The following DPYD variants were observed in gnomAD, a reference collection of about 807,000 sequenced individuals.
DPYD encodes the protein dihydropyrimidine dehydrogenase, also known as dihydropyrimidine dehydrogenase [NADP(+)].
In DPYD, 109 loss-of-function variants were observed where a neutral mutation model predicts 116.2. That is an observed-to-expected ratio of 0.94 (90% CI 0.80 to 1.10). The LOEUF is 1.10. Ranked by LOEUF, DPYD falls within the 50% of genes least tolerant of loss-of-function variation. The probability of loss-of-function intolerance (pLI) is 0.00; values close to 1 mark genes in which losing one functional copy is unlikely to be tolerated. For synonymous variants in DPYD, 440 were observed against 432.0 expected (o/e 1.02, Z -0.23); for missense variants, 1,302 against 1,254.5 (o/e 1.04, Z -0.57).
At chr1:97,606,244 G>A (rs1207486279) in intron 8 of DPYD, among the ~76,000 whole-genome samples, 2 of 151,986 alleles carry the variant, frequency 1.3e-5, no homozygotes, top group Non-Finnish European at 2.9e-5. Flanking sequence ...ATTAGGTGAT[G>A]AAGATACATA....
chr1:97,200,945 A>T (rs1659160675), intron 19 of DPYD, among the ~76,000 whole-genome samples: 2 of 152,166 alleles, frequency 1.3e-5, no homozygotes, highest in African/African-American at 4.8e-5. Flanking sequence ...TCAGTAAGTG[A>T]GGAAATTGAA....
intron 6 of DPYD, among the ~76,000 whole-genome samples, chr1:97,694,934 G>T (rs1165039241): frequency 1.3e-5 from 2 of 152,124 alleles, no homozygotes; most frequent in African/African-American, 4.8e-5. Flanking sequence ...AGCTTTCAAT[G>T]ATCCCATTTT....
chr1:97,242,953 G>A (rs1570744628), intron 18 of DPYD, among the ~76,000 whole-genome samples: 1 of 151,640 alleles, frequency 6.6e-6, no homozygotes, highest in East Asian at 1.9e-4. Flanking sequence ...GAAAAAAAGG[G>A]CTTATCCTAT....
In DPYD at chr1:97,281,520, CTTAA is replaced by C. The variant is rs1317651044; in HGVS notation, c.2299+23735_2299+23738del. 2.6e-5 allele frequency among the ~76,000 whole-genome samples: 4 copies of C among 151,852 alleles called. No homozygotes were observed. In the East Asian group the frequency reaches 7.7e-4, roughly 29 times the overall value. Reference sequence around the variant, plus strand: ...GAAACTAGAATATTGGCTATAAATACTTAATTAAAAATTGTTTTCAATATAAAAT... The same window carrying C: ...GAAACTAGAATATTGGCTATAAATACTTAAAAATTGTTTTCAATATAAAAT... On this transcript the variant is annotated intron_variant, in intron 18 of 22. Transcript: ENST00000370192.
intron 2 of DPYD, among the ~76,000 whole-genome samples, chr1:97,866,222 G>A (rs759116142): frequency 2.6e-5 from 4 of 151,848 alleles, no homozygotes; most frequent in Admixed American, 6.6e-5. Context: ...GAAGACTTTC[G>A]GTTCAGTTGA....
intron 18 of DPYD, among the ~76,000 whole-genome samples, chr1:97,300,423 G>A (rs949879742): frequency 1.3e-5 from 2 of 151,848 alleles, no homozygotes; most frequent in Non-Finnish European, 1.5e-5. Flanking sequence ...TTTATGCATC[G>A]ATAATCATGT....
chr1:97,172,380 A>C (rs1656788748), intron 20 of DPYD, among the ~76,000 whole-genome samples: 1 of 152,176 alleles, frequency 6.6e-6, no homozygotes, highest in African/African-American at 2.4e-5. Context: ...ACATGATTTG[A>C]TACAAAGTAT....
At chr1:97,845,487 C>A (rs1011230700) in intron 2 of DPYD, among the ~76,000 whole-genome samples, 2 of 152,162 alleles carry the variant, frequency 1.3e-5, no homozygotes, top group South Asian at 2.1e-4. Flanking sequence ...ATTAGGACGA[C>A]CTGCCTGTGG....
chr1:97,226,100 A>C (rs1485555974), intron 19 of DPYD, among the ~76,000 whole-genome samples: 1 of 152,192 alleles, frequency 6.6e-6, no homozygotes, highest in Non-Finnish European at 1.5e-5. Flanking sequence ...GCAAACCAAT[A>C]AATATAACAA....
rs567574844 is a variant in DPYD at position 97,829,313 on chromosome 1, A to G, written c.151-1117T>C. On this transcript the variant is annotated intron_variant, in intron 2 of 22. Transcript: ENST00000370192. ...ATTGGTATATAAACCACTATTTTTA[A>G]CCTTGATATTTTTTAAAACTAAGTC... Among the ~76,000 whole-genome samples the G allele has an allele frequency of 3.3e-5, 5 of 152,140 alleles. No homozygotes were observed. In the East Asian group the frequency reaches 9.7e-4, roughly 29 times the overall value.
At chr1:97,509,230 G>C (rs960332465) in intron 13 of DPYD, among the ~76,000 whole-genome samples, 3 of 151,986 alleles carry the variant, frequency 2.0e-5, no homozygotes, top group African/African-American at 7.2e-5. Context: ...GCAGCAATAG[G>C]TACGTGATGC....
At chr1:97,333,076 T>TTC (rs1558036704) in intron 16 of DPYD, among the ~76,000 whole-genome samples, 2 of 151,410 alleles carry the variant, frequency 1.3e-5, no homozygotes, top group Non-Finnish European at 2.9e-5. Flanking sequence ...TTTTTTTTTT[T>TTC]CAGACAGAGT....
chr1:97,082,309 T>G (rs1175317699), intron 22 of DPYD, 21 bp downstream of exon 22: 2 of 1,613,200 alleles, frequency 1.2e-6, no homozygotes. Flanking sequence ...CATAGCATTC[T>G]AATTCCAGCA....
At chr1:97,218,261 C>T (rs1660546762) in intron 19 of DPYD, among the ~76,000 whole-genome samples, 1 of 152,024 alleles carries the variant, frequency 6.6e-6, no homozygotes, top group African/African-American at 2.4e-5. Flanking sequence ...CAAAACTGCA[C>T]TTGTAATCCT....
At chr1:97,555,636 T>G (rs939354639) in intron 11 of DPYD, among the ~76,000 whole-genome samples, 1 of 152,112 alleles carries the variant, frequency 6.6e-6, no homozygotes, top group Admixed American at 6.6e-5. Context: ...TGTCCCACAA[T>G]TCACAGAGAA....
intron 1 of DPYD, among the ~76,000 whole-genome samples, chr1:97,910,660 A>G (rs1264807732): frequency 6.6e-5 from 10 of 152,092 alleles, no homozygotes; most frequent in Non-Finnish European, 1.5e-4. Flanking sequence ...CAGAGTCTAT[A>G]CTCTTAACCA....
chr1:97,542,544 T>C (rs2102060225), intron 12 of DPYD, among the ~76,000 whole-genome samples: 1 of 152,306 alleles, frequency 6.6e-6, no homozygotes, highest in South Asian at 2.1e-4. Flanking sequence ...TTTTGTTTCT[T>C]GTTGTTTGTG....
chr1:97,456,145 G>A (rs1676671584), intron 13 of DPYD, among the ~76,000 whole-genome samples: 1 of 151,410 alleles, frequency 6.6e-6, no homozygotes, highest in Non-Finnish European at 1.5e-5. Flanking sequence ...TTCGAGATGA[G>A]ACTAGAACTC....
intron 11 of DPYD, among the ~76,000 whole-genome samples, chr1:97,555,761 C>G (rs1385768332): frequency 1.3e-5 from 2 of 152,124 alleles, no homozygotes; most frequent in African/African-American, 4.8e-5. Context: ...AAGGAACTCT[C>G]CCTACTATCA....
Sources: allele counts gnomAD v4.1 joint callset (sites outside exome capture counted in the v4.1 genomes callset), GRCh38; gene constraint gnomAD v4.1.1; transcripts MANE v1.5; gene names NCBI Gene and HGNC (gene_info 2026-07-23, HGNC 2026-07-21).